The following PRRT1B variants were observed in gnomAD, a reference collection of about 807,000 sequenced individuals.
PRRT1B encodes the protein dispanin subfamily D member 2.
intron 1 of PRRT1B, among the ~76,000 whole-genome samples, chr9:131,550,210 G>A (rs1951001523): frequency 6.6e-6 from 1 of 152,152 alleles, no homozygotes; most frequent in African/African-American, 2.4e-5. Flanking sequence ...TTCAGGATCT[G>A]CGCCTTATCA....
At chr9:131,552,938 G>A (rs1951021661) in intron 1 of PRRT1B, among the ~76,000 whole-genome samples, 1 of 149,998 alleles carries the variant, frequency 6.7e-6, no homozygotes, top group African/African-American at 2.5e-5. Flanking sequence ...CACCTGCCTC[G>A]GCCTCCCAAA....
intron 1 of PRRT1B, among the ~76,000 whole-genome samples, chr9:131,549,451 A>T (rs532358433): frequency 1.3e-5 from 2 of 152,232 alleles, no homozygotes; most frequent in South Asian, 4.2e-4. Context: ...CCCACTGAAA[A>T]TTGGACTGTT....
intron 1 of PRRT1B, among the ~76,000 whole-genome samples, chr9:131,550,696 T>C (rs908371800): frequency 7.2e-5 from 11 of 152,282 alleles, no homozygotes; most frequent in African/African-American, 2.4e-4. Context: ...CTTACTGTTT[T>C]AGCTTATCCC....
intron 2 of PRRT1B, among the ~76,000 whole-genome samples, 200 bp downstream of exon 2, chr9:131,555,229 C>T (rs1406737993): frequency 6.6e-6 from 1 of 152,054 alleles, no homozygotes; most frequent in Non-Finnish European, 1.5e-5. Flanking sequence ...GCGCCCTGGA[C>T]AGAGGACACC....
downstream of PRRT1B, among the ~76,000 whole-genome samples, chr9:131,559,451 A>C (rs1951071165): frequency 1.3e-5 from 2 of 152,132 alleles, no homozygotes; most frequent in African/African-American, 4.8e-5. Flanking sequence ...AAAAACAAAC[A>C]ACCATTGCAG....
intron 2 of PRRT1B, among the ~76,000 whole-genome samples, chr9:131,555,387 C>T (rs948263164): frequency 1.1e-4 from 16 of 152,000 alleles, no homozygotes; most frequent in African/African-American, 3.6e-4. Flanking sequence ...TCTTTAAAAA[C>T]AAAACAGTCC....
At chr9:131,548,921 T>C (rs962293899) in intron 1 of PRRT1B, among the ~76,000 whole-genome samples, 4 of 152,344 alleles carry the variant, frequency 2.6e-5, no homozygotes, top group African/African-American at 7.2e-5. Flanking sequence ...TCAAGGTTAA[T>C]GCTCCCTTTT....
intron 2 of PRRT1B, among the ~76,000 whole-genome samples, chr9:131,555,849 C>G (rs1268352975): frequency 6.6e-6 from 1 of 151,938 alleles, no homozygotes; most frequent in Non-Finnish European, 1.5e-5. Context: ...GGACTGAGGG[C>G]TCAGTGGGAC....
At chr9:131,549,564 G>A (rs1485115902) in intron 1 of PRRT1B, among the ~76,000 whole-genome samples, 1 of 152,136 alleles carries the variant, frequency 6.6e-6, no homozygotes, top group African/African-American at 2.4e-5. Context: ...GAAGACTCAC[G>A]CTGCCCGATC....
At chr9:131,556,139 A>G (rs1490998122) in exon 3 of PRRT1B, 5 of 401,016 alleles carry the variant, frequency 1.2e-5, no homozygotes, top group Non-Finnish European at 2.2e-5. Flanking sequence ...AAAGGACTAC[A>G]TGATGGAGTC....
At position 131,555,687 on chromosome 9, in the gene PRRT1B, CAAAAAT is replaced by C. The variant is rs919320027; in HGVS notation, c.499-361_499-356del. Among the ~76,000 whole-genome samples, 13 of 151,858 alleles carry C rather than the reference CAAAAAT, an allele frequency of 8.6e-5. No homozygotes were observed. The East Asian group carries it at 1.5e-3, about 18-fold the overall frequency. On this transcript the variant is annotated intron_variant, in intron 2 of 3. Coordinates refer to ENST00000636672, the Ensembl canonical transcript of PRRT1B. ...CAAGCCTCTGCCTCCAAAATAAAAACAAAAATAAAAATAAAAATAAAAATAAACAAA... is the reference window on the plus strand; with the variant it reads ...CAAGCCTCTGCCTCCAAAATAAAAACAAAAATAAAAATAAAAATAAACAAA...
At chr9:131,554,680 G>T (rs1951035239) in exon 2 of PRRT1B, 1 of 379,060 alleles carries the variant, frequency 2.6e-6, no homozygotes, top group African/African-American at 2.1e-5. Flanking sequence ...CTCCCGCGCC[G>T]CCCGCGGACC....
At chr9:131,552,094 T>C (rs1264164762) in intron 1 of PRRT1B, among the ~76,000 whole-genome samples, 2 of 152,212 alleles carry the variant, frequency 1.3e-5, no homozygotes, top group African/African-American at 4.8e-5. Flanking sequence ...CATCCAGCCA[T>C]GTTCGCCTCT....
downstream of PRRT1B, among the ~76,000 whole-genome samples, chr9:131,559,010 G>A (rs188668640): frequency 1.1e-3 from 166 of 152,282 alleles, no homozygotes; most frequent in Non-Finnish European, 1.7e-3. Flanking sequence ...GATGAGGACC[G>A]CCCTGACTGG....
intron 1 of PRRT1B, among the ~76,000 whole-genome samples, chr9:131,548,997 G>A (rs1379132524): frequency 1.3e-5 from 2 of 152,182 alleles, no homozygotes; most frequent in African/African-American, 4.8e-5. Context: ...GAAAAAGCCA[G>A]CCCAGTTCAT....
intron 1 of PRRT1B, among the ~76,000 whole-genome samples, chr9:131,547,065 CTTTTTTTTTTT>C (rs549825970): frequency 1.6e-4 from 16 of 100,766 alleles, no homozygotes; most frequent in African/African-American, 4.4e-4. Context: ...CTCCTGTTCG[CTTTTTTTTTTT>C]TTTTTTTTTT....
At chr9:131,557,151 C>T (rs1305495189) in intron 3 of PRRT1B, among the ~76,000 whole-genome samples, 1 of 152,116 alleles carries the variant, frequency 6.6e-6, no homozygotes, top group Non-Finnish European at 1.5e-5. Flanking sequence ...TCTCTACTCT[C>T]CATCCATCCA....
chr9:131,558,407 T>C (rs1951064304), exon 4 of PRRT1B: 1 of 388,744 alleles, frequency 2.6e-6, no homozygotes, highest in Middle Eastern at 6.5e-4. Context: ...GGTGGCCCAC[T>C]GGAGCCTCAG....
intron 1 of PRRT1B, among the ~76,000 whole-genome samples, chr9:131,548,097 C>A (rs1417234468): frequency 6.6e-6 from 1 of 152,128 alleles, no homozygotes; most frequent in South Asian, 2.1e-4. Context: ...AAGTCAATTG[C>A]GGGGATGCCT....
Sources: gnomAD v4.1 joint callset for allele counts (sites outside exome capture counted in the v4.1 genomes callset) on GRCh38, gnomAD v4.1.1 for gene constraint, MANE v1.5 for transcripts, NCBI Gene and HGNC (gene_info 2026-07-23, HGNC 2026-07-21) for gene names.